The following MGST1 variants were observed in gnomAD, a reference collection of about 807,000 sequenced individuals.
The protein encoded by MGST1 is microsomal glutathione S-transferase 1.
MGST1 carries 5 observed loss-of-function variants against 8.9 expected under a neutral mutation model. That is an observed-to-expected ratio of 0.56 (90% CI 0.29 to 1.19). MGST1 has a LOEUF of 1.19. MGST1 is among the 50% of genes most tolerant of loss of function. The probability of loss-of-function intolerance (pLI) is 0.08; values close to 1 mark genes in which losing one functional copy is unlikely to be tolerated. For synonymous variants in MGST1, 54 were observed against 67.8 expected (o/e 0.80, Z 1.00); for missense variants, 182 against 187.4 (o/e 0.97, Z 0.17).
chr12:16,386,268 C>T (rs371306433), intron 1 of MGST1, among the ~76,000 whole-genome samples: 10 of 152,300 alleles, frequency 6.6e-5, no homozygotes, highest in African/African-American at 2.4e-4. Flanking sequence ...GACATCAGTG[C>T]TGTACACGCG....
At position 16,435,597 on chromosome 12, in the gene MGST1, T is replaced by C. The variant is rs145181225; in HGVS notation, n.779-1791T>C. Among the ~76,000 whole-genome samples, 262 of 152,070 alleles carry C rather than the reference T, an allele frequency of 1.7e-3. 1 individual carries two copies. The highest frequency in any genetic ancestry group is 0.01 in the East Asian group (52 of 5,150). On this transcript the variant is annotated intron_variant and non_coding_transcript_variant, in intron 1 of 1. Coordinates refer to the MGST1 transcript ENST00000359720. ...GAAGAAAATTTTCATCCATTCAACA[T>C]TCAGCAAATATTTATTGATCTTTTC...
At chr12:16,456,776 A>G (rs1211541207) in intron 4 of MGST1, among the ~76,000 whole-genome samples, 1 of 151,862 alleles carries the variant, frequency 6.6e-6, no homozygotes, top group African/African-American at 2.4e-5. Flanking sequence ...TTAAATGGCA[A>G]CCTCAAGCTA....
chr12:16,368,885 T>C (rs1940239281), downstream of MGST1, among the ~76,000 whole-genome samples: 2 of 152,130 alleles, frequency 1.3e-5, no homozygotes, highest in African/African-American at 4.8e-5. Flanking sequence ...CAGGACAATA[T>C]AGACTCTGAT....
At chr12:16,415,417 C>A (rs1940779536) in intron 1 of MGST1, among the ~76,000 whole-genome samples, 1 of 152,010 alleles carries the variant, frequency 6.6e-6, no homozygotes, top group Non-Finnish European at 1.5e-5. Flanking sequence ...CATGTGGGTC[C>A]ACTTATGCAT....
intron 1 of MGST1, chr12:16,402,343 A>C (rs187738984): frequency 1.4e-5 from 22 of 1,600,540 alleles, no homozygotes; most frequent in Non-Finnish European, 1.8e-5. Context: ...TGGCATACTC[A>C]TCTTCTCCTT....
intron 1 of MGST1, among the ~76,000 whole-genome samples, chr12:16,418,192 T>G (rs1451553985): frequency 6.6e-6 from 1 of 152,098 alleles, no homozygotes; most frequent in Non-Finnish European, 1.5e-5. Context: ...CCTTATAGAG[T>G]GGCGATTATT....
chr12:16,351,733 C>T (rs1022328406), intron 1 of MGST1, among the ~76,000 whole-genome samples: 17 of 152,050 alleles, frequency 1.1e-4, no homozygotes, highest in Admixed American at 6.5e-5. Context: ...TGGCTTGAAC[C>T]CAGGAGGCAG....
chr12:16,353,223 C>T (rs568204212), intron 1 of MGST1, among the ~76,000 whole-genome samples: 13 of 151,966 alleles, frequency 8.6e-5, no homozygotes, highest in African/African-American at 2.2e-4. Flanking sequence ...TTAGTAGAGA[C>T]GGGGTTTCAC....
intron 3 of MGST1, among the ~76,000 whole-genome samples, chr12:16,374,560 G>A (rs1274867230): frequency 2.0e-5 from 3 of 152,008 alleles, no homozygotes; most frequent in Non-Finnish European, 4.4e-5. Context: ...TTTAAAATAT[G>A]AAGAAGAAAA....
At chr12:16,402,866 T>C (rs192065138) in intron 1 of MGST1, among the ~76,000 whole-genome samples, 7 of 151,224 alleles carry the variant, frequency 4.6e-5, no homozygotes, top group Admixed American at 6.6e-5. Flanking sequence ...CTTTCTTCTT[T>C]ATAGAAAGAA....
chr12:16,556,330 G>A (rs1402584750), intron 4 of MGST1, among the ~76,000 whole-genome samples: 4 of 152,006 alleles, frequency 2.6e-5, no homozygotes, highest in African/African-American at 9.7e-5. Context: ...ACCCTCCTGC[G>A]GTACCTTTTA....
Position 16,458,742 on chromosome 12 carries a change from T to C in MGST1, n.482+75138T>C, listed in dbSNP as rs985969507. ...ACTGTAAACAGAGGTTTCATATGACTGGAATTGCAGCTTGCCTGCTGCAGT... is the reference window on the plus strand; with the variant it reads ...ACTGTAAACAGAGGTTTCATATGACCGGAATTGCAGCTTGCCTGCTGCAGT... On this transcript the variant is annotated intron_variant and non_coding_transcript_variant, in intron 4 of 4. Coordinates refer to the MGST1 transcript ENST00000538857. The surrounding 1 kb of genome is among the most constrained non-coding windows in gnomAD (Gnocchi z 4.0). 6.6e-6 allele frequency among the ~76,000 whole-genome samples: 1 copy of C among 152,100 alleles called. No homozygotes were observed. Among genetic ancestry groups the C allele is most frequent in the African/African-American group, 2.4e-5 (1 of 41,448 alleles).
intron 4 of MGST1, among the ~76,000 whole-genome samples, chr12:16,480,199 G>A (rs2137143878): frequency 6.9e-6 from 1 of 145,912 alleles, no homozygotes; most frequent in South Asian, 2.2e-4. Flanking sequence ...CTGGAATGTA[G>A]TGGCATGATC....
chr12:16,510,469 C>T (rs1941569780), intron 4 of MGST1, among the ~76,000 whole-genome samples: 1 of 152,158 alleles, frequency 6.6e-6, no homozygotes, highest in Non-Finnish European at 1.5e-5. Context: ...GAAAGCTATG[C>T]CTTAACACAT....
exon 4 of MGST1, chr12:16,376,861 C>T (rs1441626972): frequency 6.6e-6 from 1 of 151,804 alleles, no homozygotes; most frequent in Non-Finnish European, 1.5e-5. Context: ...TCAGTATCAT[C>T]AGAATAAAGT....
rs142884444 is a variant in MGST1, at chr12:16,418,216, T to G, written n.779-19172T>G. On this transcript the variant is annotated intron_variant and non_coding_transcript_variant, in intron 1 of 1. Coordinates refer to the MGST1 transcript ENST00000359720. ...GTGGCGATTATTGTCTTCATTTTACTGAAAACTAAATTCAAATTTTAAAAT... is the reference window on the plus strand; with the variant it reads ...GTGGCGATTATTGTCTTCATTTTACGGAAAACTAAATTCAAATTTTAAAAT... 5.6e-3 allele frequency among the ~76,000 whole-genome samples: 860 copies of G among 152,306 alleles called. 9 individuals carry two copies. The highest frequency in any genetic ancestry group is 0.014 in the Middle Eastern group (4 of 294).
chr12:16,556,278 A>C (rs975999057), intron 4 of MGST1, among the ~76,000 whole-genome samples: 2 of 152,150 alleles, frequency 1.3e-5, no homozygotes, highest in African/African-American at 2.4e-5. Context: ...GAATCTTCCA[A>C]TTCTGAATGA....
chr12:16,379,006 A>AG (rs1940422386), downstream of MGST1, among the ~76,000 whole-genome samples: 1 of 152,094 alleles, frequency 6.6e-6, no homozygotes, highest in Non-Finnish European at 1.5e-5. Flanking sequence ...TTGTATCCTG[A>AG]GACTTTGCTG....
At chr12:16,487,081 C>T (rs1303859601) in intron 4 of MGST1, among the ~76,000 whole-genome samples, 1 of 152,116 alleles carries the variant, frequency 6.6e-6, no homozygotes, top group South Asian at 2.1e-4. Context: ...ATTGCAAGAT[C>T]CTGTGTGCTG....
Sources: gnomAD v4.1 joint callset for allele counts (sites outside exome capture counted in the v4.1 genomes callset) on GRCh38, gnomAD v4.1.1 for gene constraint, Gnocchi (gnomAD v3.1) non-coding constraint, MANE v1.5 for transcripts, NCBI Gene and HGNC (gene_info 2026-07-23, HGNC 2026-07-21) for gene names.